Variants in FRMPD4 observed in about 807,000 individuals in gnomAD.
The protein encoded by FRMPD4 is FERM and PDZ domain-containing protein 4.
In FRMPD4, 22 loss-of-function variants were observed where a neutral mutation model predicts 94.1. The observed-to-expected ratio is 0.23, with a 90% CI of 0.17 to 0.33. The LOEUF is 0.33. Ranked by LOEUF, FRMPD4 falls within the 10% of genes least tolerant of loss-of-function variation. FRMPD4 has a pLI of 1.00. For synonymous variants in FRMPD4, 631 were observed against 548.6 expected, an observed-to-expected ratio of 1.15 and a Z score of -2.10; for missense variants, 1,111 against 1,339.9, an observed-to-expected ratio of 0.83 and a Z score of 2.67.
chrX:12,311,393 G>A (rs982138414), intron 1 of FRMPD4, among the ~76,000 whole-genome samples: 2 of 112,307 alleles, frequency 1.8e-5, no homozygotes, highest in African/African-American at 3.2e-5. Flanking sequence ...TATTGTTATC[G>A]TGTATTTTAA....
At chrX:12,534,413 T>C (rs1223884399) in intron 2 of FRMPD4, among the ~76,000 whole-genome samples, 1 of 111,824 alleles carries the variant, frequency 8.9e-6, no homozygotes, top group African/African-American at 3.2e-5. Flanking sequence ...TAGTGAGCTG[T>C]GAGAAGAAGC....
In FRMPD4 at chrX:12,718,291, C is replaced by T. The variant is rs373725511; in HGVS notation, c.3465C>T (p.Thr1155=). ...GGGACCGCTTCTTAACTGACGTGAC[C>T]TGTGCATCTTCAGCCAAAGACTTAG... ...GQGDRFLTDV[T]CASSAKDLDN... is the part of the protein sequence containing the mutation. Residue 1155 remains threonine (T), a synonymous_variant, in exon 16 of 17, where the codon ACC becomes ACT. Coordinates refer to ENST00000675598, the MANE Select transcript of FRMPD4 (RefSeq NM_001368397.1). The T allele has an allele frequency of 2.5e-6, 3 of 1,211,238 alleles. No homozygotes were observed. The highest frequency in any genetic ancestry group is 3.0e-5 in the East Asian group (1 of 33,832).
chrX:12,266,373 G>C (rs930742757), intron 1 of FRMPD4, among the ~76,000 whole-genome samples: 1 of 111,000 alleles, frequency 9.0e-6, no homozygotes, highest in Admixed American at 9.6e-5. Flanking sequence ...TGAATTCCCC[G>C]TAAGCTGGCT....
chrX:12,100,867 C>G (rs1317967454), intron 3 of FRMPD4, among the ~76,000 whole-genome samples: 1 of 112,260 alleles, frequency 8.9e-6, no homozygotes, highest in Non-Finnish European at 1.9e-5. Flanking sequence ...GAAGCTGTCA[C>G]CAGTGCTGTT....
intron 2 of FRMPD4, among the ~76,000 whole-genome samples, chrX:12,581,382 T>C (rs1206122492): frequency 9.0e-6 from 1 of 111,680 alleles, no homozygotes; most frequent in Admixed American, 9.5e-5. Flanking sequence ...GTGTAATAAA[T>C]GAAAAGATAG....
chrX:12,118,634 T>C (rs2055428885), intron 3 of FRMPD4, among the ~76,000 whole-genome samples: 1 of 111,840 alleles, frequency 8.9e-6, no homozygotes, highest in Non-Finnish European at 1.9e-5. Context: ...ACTTGGCTCA[T>C]CCTGCCTCCC....
chrX:12,171,105 T>A (rs2056213264), intron 1 of FRMPD4, among the ~76,000 whole-genome samples: 1 of 112,773 alleles, frequency 8.9e-6, no homozygotes, highest in Non-Finnish European at 1.9e-5. Context: ...GAAACCACTT[T>A]TTATTTCCCT....
intron 3 of FRMPD4, among the ~76,000 whole-genome samples, chrX:12,011,889 C>T (rs2054582147): frequency 9.3e-6 from 1 of 107,237 alleles, no homozygotes; most frequent in Non-Finnish European, 1.9e-5. Context: ...AGTTTTACTT[C>T]TTTCTTTACG....
At chrX:12,698,970 T>C (rs745861879) in intron 9 of FRMPD4, among the ~76,000 whole-genome samples, 5 of 112,306 alleles carry the variant, frequency 4.5e-5, no homozygotes, top group South Asian at 3.7e-4. Context: ...GAGGTCATTT[T>C]ATTAGAAGTT....
chrX:12,314,769 A>G (rs72612879), intron 1 of FRMPD4, among the ~76,000 whole-genome samples: 15,498 of 110,793 alleles, frequency 0.14, 954 homozygotes, highest in Non-Finnish European at 0.19. Flanking sequence ...TTAAGAGACA[A>G]GTGACTAGAG....
intron 3 of FRMPD4, among the ~76,000 whole-genome samples, chrX:11,889,785 T>C (rs1399562404): frequency 8.9e-6 from 1 of 112,608 alleles, no homozygotes; most frequent in Non-Finnish European, 1.9e-5. Context: ...ACTATGCTCA[T>C]GTGTCTGGCA....
In FRMPD4 at chrX:12,492,932, G is replaced by A. The variant is rs181223425; in HGVS notation, c.42-5748G>A. ...CAGGACCTATGTGTGTCTACAGCAC[G>A]AATAAATGGAATGAAAAGACCTGGT... is the stretch of plus-strand genomic sequence containing the variant. On this transcript the variant is annotated intron_variant, in intron 1 of 16. Transcript: ENST00000675598. Among the ~76,000 whole-genome samples, 9 of 111,470 alleles carry A rather than the reference G, an allele frequency of 8.1e-5. No homozygotes were observed. In the East Asian group the frequency reaches 1.7e-3, roughly 21 times the overall value.
chrX:12,165,403 G>T (rs1045685867), intron 1 of FRMPD4, among the ~76,000 whole-genome samples: 2 of 111,693 alleles, frequency 1.8e-5, no homozygotes, highest in African/African-American at 6.5e-5. Context: ...TGTTCTATTG[G>T]TCTATATCTC....
chrX:12,330,633 G>A (rs1273830364), intron 1 of FRMPD4, among the ~76,000 whole-genome samples: 1 of 111,465 alleles, frequency 9.0e-6, no homozygotes, highest in Non-Finnish European at 1.9e-5. Context: ...GTGGTCGGTG[G>A]ACTGCTAGAG....
intron 1 of FRMPD4, among the ~76,000 whole-genome samples, chrX:12,483,974 G>A (rs148947150): frequency 0.011 from 1,189 of 111,054 alleles, 21 homozygotes; most frequent in African/African-American, 0.036. Context: ...GGACGTGTAC[G>A]GGCTTACGGG....
chrX:12,433,684 G>A (rs1328509971), intron 1 of FRMPD4, among the ~76,000 whole-genome samples: 1 of 112,062 alleles, frequency 8.9e-6, no homozygotes, highest in Non-Finnish European at 1.9e-5. Context: ...CAGTCTATTT[G>A]GAAAGAAGAT....
Position 12,717,610 on chromosome X carries a change from G to T in FRMPD4, c.2784G>T (p.Gln928His), listed in dbSNP as rs777248043. The T allele has an allele frequency of 3.3e-5, 40 of 1,205,699 alleles. 1 individual carries two copies. In the South Asian group the frequency reaches 6.9e-4, roughly 21 times the overall value. ...CTGAACTGGCCACAGCACAAAAACA[G>T]TCAGAAAACCTCTCCCGCATGTTCT... ...ESSELATAQKQSENLSRMFLA... is the reference protein window; with the variant it reads ...ESSELATAQKHSENLSRMFLA... Residue 928 changes from glutamine (Q) to histidine (H), a missense_variant, in exon 16 of 17, where the codon CAG becomes CAT. Coordinates refer to ENST00000675598, the MANE Select transcript of FRMPD4 (RefSeq NM_001368397.1).
chrX:12,528,328 T>G (rs1237662939), intron 2 of FRMPD4, among the ~76,000 whole-genome samples: 1 of 100,706 alleles, frequency 9.9e-6, no homozygotes, highest in Non-Finnish European at 2.0e-5. Flanking sequence ...TGTTTTTTTT[T>G]TTTTTTTTTG....
intron 3 of FRMPD4, among the ~76,000 whole-genome samples, chrX:11,946,052 T>A (rs911427089): frequency 8.9e-6 from 1 of 111,852 alleles, no homozygotes. Flanking sequence ...AATAAAAATC[T>A]GTGGGTACAG....
Sources: gnomAD v4.1 joint callset for allele counts (sites outside exome capture counted in the v4.1 genomes callset) on GRCh38, gnomAD v4.1.1 for gene constraint, MANE v1.5 for transcripts, NCBI Gene and HGNC (gene_info 2026-07-23, HGNC 2026-07-21) for gene names.